Variants in TYR observed in about 807,000 individuals in gnomAD.
TYR encodes the protein tyrosinase, also known as LB24-AB.
A neutral mutation model predicts 51.5 loss-of-function variants in TYR; 58 were observed. The ratio of observed to expected loss-of-function variants is 1.13; its 90% CI spans 0.91 to 1.40. The LOEUF (loss-of-function observed/expected upper bound fraction) is 1.40, where lower values mean the gene tolerates loss of function less well. TYR is among the 40% of genes most tolerant of loss of function. The pLI, the probability that TYR is intolerant of heterozygous loss-of-function variation, is 0.00. For synonymous variants in TYR, 263 were observed against 235.2 expected (o/e 1.12, Z -1.08); for missense variants, 732 against 647.4 (o/e 1.13, Z -1.42).
chr11:89,191,172 A>G (rs567999985), intron 1 of TYR, 30 bp from the exon 2 acceptor site: 2 of 1,607,460 alleles, frequency 1.2e-6, no homozygotes, highest in African/African-American at 2.7e-5. Flanking sequence ...GGTGGTGACA[A>G]TTTGTTTAAC....
chr11:89,283,527 A>G (rs953551576), intron 3 of TYR, among the ~76,000 whole-genome samples: 1 of 151,772 alleles, frequency 6.6e-6, no homozygotes, highest in Non-Finnish European at 1.5e-5. Context: ...CACAAAAACT[A>G]TCATATTGGA....
At chr11:89,224,022 G>A (rs11824837) in intron 2 of TYR, among the ~76,000 whole-genome samples, 35,509 of 151,300 alleles carry the variant, frequency 0.23, 6,584 homozygotes, top group African/African-American at 0.52. Flanking sequence ...TTAAAATGTC[G>A]GTCCATTCTA....
intron 2 of TYR, among the ~76,000 whole-genome samples, chr11:89,204,819 T>C (rs1943650255): frequency 6.7e-6 from 1 of 148,902 alleles, no homozygotes; most frequent in Admixed American, 6.6e-5. Context: ...GTTACATCCT[T>C]GAATTAAAAA....
At chr11:89,267,284 T>TA (rs1944536949) in intron 3 of TYR, among the ~76,000 whole-genome samples, 1 of 151,996 alleles carries the variant, frequency 6.6e-6, no homozygotes, top group African/African-American at 2.4e-5. Context: ...TTACCTTGAA[T>TA]AATGACTCTT....
At chr11:89,281,552 A>G (rs549898052) in intron 3 of TYR, among the ~76,000 whole-genome samples, 1 of 151,622 alleles carries the variant, frequency 6.6e-6, no homozygotes, top group Admixed American at 6.6e-5. Flanking sequence ...TGTTCCTACC[A>G]CTTTAGGAAT....
chr11:89,257,588 A>G (rs1195207801), intron 3 of TYR, among the ~76,000 whole-genome samples: 2 of 152,112 alleles, frequency 1.3e-5, no homozygotes, highest in Admixed American at 1.3e-4. Context: ...TGAAATGTTA[A>G]TATATAAAAA....
At chr11:89,189,385 C>G (rs116038385) in intron 1 of TYR, among the ~76,000 whole-genome samples, 124 of 151,708 alleles carry the variant, frequency 8.2e-4, no homozygotes, top group African/African-American at 2.9e-3. Context: ...TTGGTTCTAG[C>G]TAAAGGATCA....
At position 89,202,644 on chromosome 11, in the gene TYR, C is replaced by CACACACACACACACACACAT. The variant is rs1325924792; in HGVS notation, c.1036+11232_1036+11233insACACACACACACATACACAC. 1.2e-3 allele frequency among the ~76,000 whole-genome samples: 184 copies of CACACACACACACACACACAT among 151,978 alleles called. 1 individual carries two copies. The highest frequency in any genetic ancestry group is 4.3e-3 in the African/African-American group (178 of 41,456). ...TAATACACACACACACACACACACA[C>CACACACACACACACACACAT]ACACACTGTATAGCTGGATCCTAGG... On this transcript the variant is annotated intron_variant, in intron 2 of 4. Transcript: ENST00000263321.
In TYR at chr11:89,190,361, C is replaced by A. The variant is rs915298106; in HGVS notation, c.820-841C>A. ...AGGTGGAAGACAATGATATTGACAACTTTGACTCTGTGTAGGCCTATGCTA... is the reference window on the plus strand; with the variant it reads ...AGGTGGAAGACAATGATATTGACAAATTTGACTCTGTGTAGGCCTATGCTA... On this transcript the variant is annotated intron_variant, in intron 1 of 4. Transcript: ENST00000263321. 2.6e-5 allele frequency among the ~76,000 whole-genome samples: 4 copies of A among 152,200 alleles called. No homozygotes were observed. In the South Asian group the frequency reaches 6.2e-4, roughly 24 times the overall value.
At chr11:89,258,022 G>T (rs1411170881) in intron 3 of TYR, among the ~76,000 whole-genome samples, 1 of 151,858 alleles carries the variant, frequency 6.6e-6, no homozygotes, top group Non-Finnish European at 1.5e-5. Flanking sequence ...TTAACAATGT[G>T]AAATTGTGTT....
chr11:89,190,655 TTATAAAATCTACTG>T (rs1229509776), intron 1 of TYR, among the ~76,000 whole-genome samples: 5 of 152,096 alleles, frequency 3.3e-5, no homozygotes, highest in African/African-American at 2.4e-5. Flanking sequence ...TATATAGTGT[TTATAAAATCTACTG>T]TAGTGTAGAG....
intron 3 of TYR, among the ~76,000 whole-genome samples, chr11:89,231,119 C>G (rs1463240378): frequency 1.5e-5 from 2 of 130,122 alleles, no homozygotes; most frequent in African/African-American, 3.1e-5. Context: ...TGCAGTGAGC[C>G]AAGATCATGC....
intron 2 of TYR, among the ~76,000 whole-genome samples, chr11:89,212,467 T>A (rs1943772175): frequency 6.6e-6 from 1 of 152,028 alleles, no homozygotes; most frequent in Non-Finnish European, 1.5e-5. Context: ...CTAAAAAAAG[T>A]CCAGGATCAG....
chr11:89,227,775 T>A, intron 2 of TYR, 48 bp from the exon 3 acceptor site: 1 of 1,519,224 alleles, frequency 6.6e-7, no homozygotes, highest in Non-Finnish European at 9.1e-7. Context: ...ACATAGGTTT[T>A]CAGTCATTAA....
rs375164220 is a variant in TYR, at chr11:89,254,054, A to C, written c.1184+26084A>C. Among the ~76,000 whole-genome samples, 18 of 151,916 alleles carry C rather than the reference A, an allele frequency of 1.2e-4. No individual in the cohort carries two copies. The East Asian group carries it at 1.7e-3, about 15-fold the overall frequency. On this transcript the variant is annotated intron_variant, in intron 3 of 4. Transcript: ENST00000263321. ...CATAAAGGGATGCTGGATTTTGTCA[A>C]GTACATTTTCTGCATCTATTGAGAT...
chr11:89,191,723 G>A (rs1943448953), intron 2 of TYR, among the ~76,000 whole-genome samples: 1 of 152,000 alleles, frequency 6.6e-6, no homozygotes, highest in South Asian at 2.1e-4. Context: ...TTGTGTCACT[G>A]CATTCCAGCC....
chr11:89,207,395 GCGCAAACTATACCA>G (rs927345135), intron 2 of TYR, among the ~76,000 whole-genome samples: 2 of 151,984 alleles, frequency 1.3e-5, no homozygotes, highest in Non-Finnish European at 2.9e-5. Flanking sequence ...TCCTAAAAAA[GCGCAAACTATACCA>G]CTCACCCAAT....
intron 1 of TYR, among the ~76,000 whole-genome samples, chr11:89,182,631 T>C (rs1943316928): frequency 6.6e-6 from 1 of 152,210 alleles, no homozygotes. Context: ...ATTGTGTTCC[T>C]AATTCATGTC....
intron 2 of TYR, among the ~76,000 whole-genome samples, chr11:89,204,500 T>G (rs1347727910): frequency 6.6e-6 from 1 of 151,990 alleles, no homozygotes; most frequent in Non-Finnish European, 1.5e-5. Flanking sequence ...GTAGCTGGGA[T>G]TCCCCTGCCT....
Sources: gnomAD v4.1 joint callset for allele counts (sites outside exome capture counted in the v4.1 genomes callset) on GRCh38, gnomAD v4.1.1 for gene constraint, MANE v1.5 for transcripts, NCBI Gene and HGNC (gene_info 2026-07-23, HGNC 2026-07-21) for gene names.